Variants in TENM1 observed in about 807,000 individuals in gnomAD.
TENM1 encodes teneurin-1.
In TENM1, 35 loss-of-function variants were observed where a neutral mutation model predicts 174.8. The ratio of observed to expected loss-of-function variants is 0.20; its 90% CI spans 0.15 to 0.27. The LOEUF is 0.27. Ranked by LOEUF, TENM1 falls within the 10% of genes least tolerant of loss-of-function variation. The pLI is 1.00. For missense variants in TENM1, 1,633 were observed against 2,130.1 expected (o/e 0.77, Z 4.59); for synonymous variants, 781 against 798.7 (o/e 0.98, Z 0.37).
chrX:125,029,016 A>T, the TENM1 span, among the ~76,000 whole-genome samples: 1 of 111,973 alleles, frequency 8.9e-6, no homozygotes, highest in South Asian at 3.7e-4. Context: ...TAATATTTAG[A>T]GGAACACAGA....
At chrX:124,403,731 C>T (rs923184417) in intron 27 of TENM1, among the ~76,000 whole-genome samples, 2 of 110,325 alleles carry the variant, frequency 1.8e-5, no homozygotes, top group African/African-American at 6.6e-5. Flanking sequence ...CAATTCTTTG[C>T]CTTCTACTTT....
intron 3 of TENM1, among the ~76,000 whole-genome samples, chrX:124,751,979 T>A (rs1374951424): frequency 9.0e-6 from 1 of 110,835 alleles, no homozygotes; most frequent in African/African-American, 3.3e-5. Context: ...TATAGCGGCA[T>A]GATTTATAGT....
intron 3 of TENM1, among the ~76,000 whole-genome samples, chrX:124,742,856 T>G (rs2053832728): frequency 9.0e-6 from 1 of 111,254 alleles, no homozygotes; most frequent in Admixed American, 9.6e-5. Context: ...ATTGCCATAC[T>G]ACTTATGTCA....
chrX:124,737,834 T>C (rs2053711115), intron 3 of TENM1, among the ~76,000 whole-genome samples: 1 of 112,327 alleles, frequency 8.9e-6, no homozygotes, highest in Admixed American at 9.4e-5. Flanking sequence ...CATATTTCCA[T>C]GGTCATGCAA....
intron 3 of TENM1, among the ~76,000 whole-genome samples, chrX:124,875,934 G>T (rs1231714185): frequency 1.9e-5 from 2 of 104,289 alleles, no homozygotes; most frequent in African/African-American, 7.1e-5. Flanking sequence ...ACTGGATTTT[G>T]TGATTTTACA....
chrX:124,526,301 C>G (rs2047975050), intron 16 of TENM1, among the ~76,000 whole-genome samples: 1 of 112,072 alleles, frequency 8.9e-6, no homozygotes, highest in Admixed American at 9.5e-5. Context: ...CGACAGATTT[C>G]AGACTTGCCA....
the TENM1 span, among the ~76,000 whole-genome samples, chrX:124,979,207 C>T: frequency 8.9e-6 from 1 of 112,520 alleles, no homozygotes; most frequent in Admixed American, 9.4e-5. Flanking sequence ...CTTTTATTAC[C>T]CACAGTCCAA....
At chrX:124,442,388 G>C (rs2060912900) in intron 23 of TENM1, among the ~76,000 whole-genome samples, 1 of 112,351 alleles carries the variant, frequency 8.9e-6, no homozygotes. Flanking sequence ...AAACTCACAA[G>C]TCTGTCCCTG....
chrX:124,772,332 C>T (rs1303540047), intron 3 of TENM1, among the ~76,000 whole-genome samples: 2 of 111,510 alleles, frequency 1.8e-5, no homozygotes, highest in Non-Finnish European at 3.8e-5. Flanking sequence ...GACAGGGTTT[C>T]GCCATGTTGG....
intron 3 of TENM1, among the ~76,000 whole-genome samples, chrX:124,853,063 T>G (rs1252356494): frequency 8.9e-6 from 1 of 111,980 alleles, no homozygotes; most frequent in Non-Finnish European, 1.9e-5. Context: ...TGTGTCAAAC[T>G]TCGTTTTAGT....
At chrX:124,409,012 T>C (rs887258732) in intron 25 of TENM1, among the ~76,000 whole-genome samples, 5 of 109,941 alleles carry the variant, frequency 4.5e-5, no homozygotes, top group Non-Finnish European at 9.5e-5. Flanking sequence ...TCGTTTTTTA[T>C]GGCTGCATAG....
the TENM1 span, among the ~76,000 whole-genome samples, chrX:125,196,863 GAGATAAGCCATCTGCAGTATCT>G: frequency 9.0e-6 from 1 of 111,457 alleles, no homozygotes; most frequent in Admixed American, 9.6e-5. Flanking sequence ...CTGGATTATT[GAGATAAGCCATCTGCAGTATCT>G]CTTTCTAATT....
At chrX:124,648,548 C>T (rs2051217168) in intron 8 of TENM1, among the ~76,000 whole-genome samples, 1 of 112,337 alleles carries the variant, frequency 8.9e-6, no homozygotes, top group African/African-American at 3.2e-5. Flanking sequence ...CTCATTAAAA[C>T]ACTAGTTATC....
intron 11 of TENM1, among the ~76,000 whole-genome samples, chrX:124,575,715 C>T (rs756652337): frequency 8.9e-6 from 1 of 112,076 alleles, no homozygotes; most frequent in African/African-American, 3.2e-5. Flanking sequence ...CTTTTGAATT[C>T]GATAAAATAA....
chrX:124,593,171 C>A (rs1468615524), intron 11 of TENM1, among the ~76,000 whole-genome samples: 1 of 111,648 alleles, frequency 9.0e-6, no homozygotes, highest in African/African-American at 3.3e-5. Context: ...ATCCAGTGGG[C>A]AGCCACCAGG....
intron 3 of TENM1, among the ~76,000 whole-genome samples, chrX:124,880,225 T>C (rs1746710956): frequency 8.9e-6 from 1 of 111,860 alleles, no homozygotes; most frequent in Non-Finnish European, 1.9e-5. Flanking sequence ...TTTGGTAGTT[T>C]TCTTGGTAGT....
rs2050108352 is a variant in TENM1 at position 124,604,653 on chromosome X, GATGCTATC to G, written c.2077+37130_2077+37137del. On this transcript the variant is annotated intron_variant, in intron 11 of 31. Coordinates refer to ENST00000422452, the Ensembl canonical transcript of TENM1. ...ATGGCGTCTTCATTTGTAAAATGAG[GATGCTATC>G]ATCCATCCTAACTTACAGGAATGTT... 2.7e-5 allele frequency among the ~76,000 whole-genome samples: 3 copies of G among 111,001 alleles called. No homozygotes were observed. The South Asian group carries it at 1.1e-3, about 42-fold the overall frequency.
chrX:125,021,869 C>T, the TENM1 span, among the ~76,000 whole-genome samples: 4 of 112,947 alleles, frequency 3.5e-5, no homozygotes, highest in Non-Finnish European at 7.5e-5. Context: ...AAATAGGCAG[C>T]AGGCTGCATT....
chrX:124,699,649 TTCA>T (rs1296966011), intron 5 of TENM1, among the ~76,000 whole-genome samples: 13 of 111,934 alleles, frequency 1.2e-4, no homozygotes, highest in Non-Finnish European at 2.3e-4. Flanking sequence ...TTGACATGGA[TTCA>T]TCATGTCATT....
Sources: gnomAD v4.1 joint callset for allele counts (sites outside exome capture counted in the v4.1 genomes callset) on GRCh38, gnomAD v4.1.1 for gene constraint, MANE v1.5 for transcripts, NCBI Gene and HGNC (gene_info 2026-07-23, HGNC 2026-07-21) for gene names.